The following ASXL3 variants were observed in gnomAD, a reference collection of about 807,000 sequenced individuals.
ASXL3 encodes ASXL transcriptional regulator 3, also known as putative Polycomb group protein ASXL3.
In ASXL3, 34 loss-of-function variants were observed where a neutral mutation model predicts 170.6. The ratio of observed to expected loss-of-function variants is 0.20; its 90% CI spans 0.15 to 0.27. The LOEUF (loss-of-function observed/expected upper bound fraction) is 0.27. Among genes scored for constraint, ASXL3 ranks in the 10% least tolerant of loss-of-function variants. ASXL3 has a pLI of 1.00. For missense variants in ASXL3, 2,592 were observed against 2,695.3 expected (o/e 0.96, Z 0.85); for synonymous variants, 1,002 against 989.1 (o/e 1.01, Z -0.24).
chr18:33,613,018 G>T (rs1038460353), intron 2 of ASXL3, among the ~76,000 whole-genome samples: 1 of 152,068 alleles, frequency 6.6e-6, no homozygotes, highest in Non-Finnish European at 1.5e-5. Flanking sequence ...AGAGAGGGAT[G>T]TATGAGACAA....
At position 33,747,414 on chromosome 18, in the gene ASXL3, A is replaced by G. The variant is rs1192111097; in HGVS notation, c.*819A>G. ...TGTGTGGCTTTTAAGAGCAGGTTTGAAAAAAAAAAAAAAAAGACCCTAAAC... is the reference window on the plus strand; with the variant it reads ...TGTGTGGCTTTTAAGAGCAGGTTTGGAAAAAAAAAAAAAAAGACCCTAAAC... On this transcript the variant is annotated 3_prime_UTR_variant, in exon 12 of 12. Coordinates refer to ENST00000269197, the MANE Select transcript of ASXL3 (RefSeq NM_030632.3). 7 of 131,332 alleles carry G rather than the reference A, an allele frequency of 5.3e-5. No individual in the cohort carries two copies. The South Asian group carries it at 6.9e-4, about 13-fold the overall frequency. 8.1% of individuals were successfully genotyped at this position (131,332 alleles called of 1,614,324 possible). A position where few individuals can be genotyped will look rare whatever the true frequency, so the allele number is the denominator to read the frequency against.
chr18:33,739,333 C>T lies in ASXL3; in HGVS notation c.1929C>T (p.Ala643=). ...QSTSEESCTP[A]SLETTFCSEV... ...CATCAGAAGAATCATGTACTCCAGC[C>T]TCCCTTGAGACAACATTTTGTTCTG... The change falls in exon 11 of 12, where the codon GCC becomes GCT. Residue 643 remains alanine, a synonymous_variant. Coordinates refer to ENST00000269197, the MANE Select transcript of ASXL3 (RefSeq NM_030632.3). 1 of 1,613,532 alleles carries T rather than the reference C, an allele frequency of 6.2e-7. No homozygotes were observed. The highest frequency in any genetic ancestry group is 8.5e-7 in the Non-Finnish European group (1 of 1,179,670).
chr18:33,749,534 A>G lies in ASXL3; in HGVS notation c.*2939A>G, dbSNP rs1169264108. ...ACTGCTATTCCCTAATCCTCCTCCT[A>G]TAAGATATGCATATGCCTGAGGTGT... On this transcript the variant is annotated 3_prime_UTR_variant, in exon 12 of 12. Transcript: ENST00000269197. 6.6e-6 allele frequency: 1 copy of G among 152,012 alleles called. No individual in the cohort carries two copies. Among genetic ancestry groups the G allele is most frequent in the African/African-American group, 2.4e-5 (1 of 41,364 alleles). 9.4% of individuals were successfully genotyped at this position (152,012 alleles called of 1,614,324 possible). A position where few individuals can be genotyped will look rare whatever the true frequency, so the allele number is the denominator to read the frequency against.
intron 2 of ASXL3, among the ~76,000 whole-genome samples, chr18:33,622,495 A>T (rs1472105151): frequency 6.6e-6 from 1 of 152,160 alleles, no homozygotes; most frequent in Non-Finnish European, 1.5e-5. Context: ...CTGTAAGCTG[A>T]TGTGTAAGTT....
chr18:33,610,354 A>G (rs193041955), intron 2 of ASXL3, among the ~76,000 whole-genome samples: 6 of 152,106 alleles, frequency 3.9e-5, no homozygotes, highest in Admixed American at 6.6e-5. Context: ...TGAAGTTACT[A>G]ATATGGCCAT....
chr18:33,740,542 T>TTTA (rs2067645802), intron 11 of ASXL3, 99 bp downstream of exon 11: 4 of 1,188,604 alleles, frequency 3.4e-6, no homozygotes, highest in Admixed American at 3.0e-5. Flanking sequence ...CCTTCTAGGT[T>TTTA]TTATGCAGCA....
At chr18:33,697,767 G>A (rs1419714352) in intron 8 of ASXL3, among the ~76,000 whole-genome samples, 1 of 151,996 alleles carries the variant, frequency 6.6e-6, no homozygotes, top group East Asian at 1.9e-4. Flanking sequence ...ACTTTGAGAG[G>A]CCAAGGGGAA....
chr18:33,646,312 C>T lies in ASXL3; in HGVS notation c.314C>T (p.Thr105Ile). The T allele has an allele frequency of 6.2e-7, 1 of 1,610,796 alleles. No individual in the cohort carries two copies. The highest frequency in any genetic ancestry group is 8.5e-7 in the Non-Finnish European group (1 of 1,177,870). The change falls in exon 4 of 12, where the codon ACA becomes ATA. Residue 105 changes from threonine to isoleucine, a missense_variant. Coordinates refer to ENST00000269197, the MANE Select transcript of ASXL3 (RefSeq NM_030632.3). ...GTCTGTGAATCTGAATTGGATGGTA[C>T]AGATATGGCCGAGGCAAATGCCCAT... ...DLVCESELDGTDMAEANAHGE... is the reference protein window; with the variant it reads ...DLVCESELDGIDMAEANAHGE...
At chr18:33,730,086 G>A (rs1261747908) in intron 8 of ASXL3, among the ~76,000 whole-genome samples, 1 of 152,074 alleles carries the variant, frequency 6.6e-6, no homozygotes, top group African/African-American at 2.4e-5. Flanking sequence ...TAGTGCAGTT[G>A]TTCTCAACTA....
rs778381007 is a variant in ASXL3 at position 33,738,888 on chromosome 18, C to T, written c.1484C>T (p.Pro495Leu). Residue 495 changes from proline (P) to leucine (L), a missense_variant, in exon 11 of 12, where the codon CCT (proline) becomes CTT (leucine). Around this residue, in one of 4 missense-constraint regions of ASXL3, gnomAD observed 2,246 missense variants for 2,219.6 expected, o/e 1.01. Coordinates refer to ENST00000269197, the MANE Select transcript of ASXL3 (RefSeq NM_030632.3). ...CATGAAGAACCCCAAATAGCACCTC[C>T]TGAAGATAACTTGGAATCCTGTGTT... ...NSHEEPQIAP[P>L]EDNLESCVMM... 1 of 1,613,574 alleles carries T rather than the reference C, an allele frequency of 6.2e-7. No individual in the cohort carries two copies. Among genetic ancestry groups the T allele is most frequent in the Non-Finnish European group, 8.5e-7 (1 of 1,179,752 alleles).
chr18:33,650,227 C>G (rs1461806175), intron 4 of ASXL3, among the ~76,000 whole-genome samples: 1 of 151,918 alleles, frequency 6.6e-6, no homozygotes. Context: ...GGAGAGTAAC[C>G]AAGAGTTGGC....
intron 3 of ASXL3, 55 bp downstream of exon 3, chr18:33,645,057 C>T (rs2065898574): frequency 1.6e-6 from 2 of 1,261,514 alleles, no homozygotes; most frequent in African/African-American, 1.5e-5. Context: ...TTTTTTCAGA[C>T]ATGTGAAGGT....
intron 1 of ASXL3, among the ~76,000 whole-genome samples, chr18:33,586,025 G>A (rs2145092018): frequency 6.6e-6 from 1 of 152,142 alleles, no homozygotes; most frequent in East Asian, 1.9e-4. Flanking sequence ...CTTATAGAAG[G>A]CAATAGGATG....
intron 2 of ASXL3, among the ~76,000 whole-genome samples, chr18:33,639,561 C>A (rs1424392163): frequency 6.6e-6 from 1 of 152,092 alleles, no homozygotes; most frequent in Non-Finnish European, 1.5e-5. Context: ...TGATACAGAT[C>A]ATATATTTTG....
At chr18:33,740,486 T>G (rs762562584) in intron 11 of ASXL3, 43 bp downstream of exon 11, 1 of 1,464,784 alleles carries the variant, frequency 6.8e-7, no homozygotes, top group Non-Finnish European at 9.1e-7. Context: ...TAGATAGGCT[T>G]TTCCTATTTA....
intron 5 of ASXL3, among the ~76,000 whole-genome samples, chr18:33,664,247 G>A (rs34892135): frequency 0.019 from 2,846 of 152,232 alleles, 39 homozygotes; most frequent in Non-Finnish European, 0.029. Context: ...TAGAGATGAT[G>A]TTTGAATCCA....
chr18:33,626,158 A>G (rs1003128666), intron 2 of ASXL3, among the ~76,000 whole-genome samples: 3 of 152,102 alleles, frequency 2.0e-5, no homozygotes, highest in Middle Eastern at 3.2e-3. Context: ...TGTAATGTCT[A>G]TTACTTTGTT....
At chr18:33,675,865 T>G (rs4799708) in intron 7 of ASXL3, among the ~76,000 whole-genome samples, 10,314 of 151,916 alleles carry the variant, frequency 0.068, 389 homozygotes, top group South Asian at 0.098. Flanking sequence ...AAAACAACAA[T>G]AAGAAGAAGA....
chr18:33,665,703 T>A (rs2066245081), intron 5 of ASXL3, among the ~76,000 whole-genome samples: 1 of 152,230 alleles, frequency 6.6e-6, no homozygotes, highest in African/African-American at 2.4e-5. Flanking sequence ...CAATCCATAT[T>A]TTTAGAACTA....
Sources: allele counts gnomAD v4.1 joint callset (sites outside exome capture counted in the v4.1 genomes callset), GRCh38; gene constraint gnomAD v4.1.1; regional missense constraint gnomAD v4.1.1; transcripts MANE v1.5; gene names NCBI Gene and HGNC (gene_info 2026-07-23, HGNC 2026-07-21).